FAP: variants seen among roughly 807,000 people sequenced by gnomAD.
FAP encodes the protein fibroblast activation protein alpha.
Under a neutral mutation model 126.5 loss-of-function variants are expected in FAP, and 110 were observed. That is an observed-to-expected ratio of 0.87 (90% CI 0.74 to 1.02). The LOEUF is 1.02. FAP is among the 50% of genes least tolerant of loss of function. FAP has a pLI of 0.00. For missense variants in FAP, 919 were observed against 909.2 expected (o/e 1.01, Z -0.14); for synonymous variants, 334 against 297.3 (o/e 1.12, Z -1.27).
chr2:162,187,600 A>T (rs893372125), intron 20 of FAP, among the ~76,000 whole-genome samples: 3 of 152,136 alleles, frequency 2.0e-5, no homozygotes, highest in Non-Finnish European at 2.9e-5. Context: ...AAATCAGATT[A>T]TGAATCTGTG....
intron 20 of FAP, 89 bp downstream of exon 20, chr2:162,188,080 G>C (rs2106226500): frequency 9.2e-7 from 1 of 1,089,004 alleles, no homozygotes; most frequent in Non-Finnish European, 1.3e-6. Context: ...AAAAACAAAA[G>C]AATTAAGTCA....
At chr2:162,214,111 A>T in intron 10 of FAP, 38 bp from the exon 11 acceptor site, 2 of 1,605,656 alleles carry the variant, frequency 1.2e-6, no homozygotes, top group Non-Finnish European at 1.7e-6. Context: ...ACAACCATAA[A>T]CCAGTTTCAC....
chr2:162,210,689 T>A (rs1218736474), intron 11 of FAP, among the ~76,000 whole-genome samples: 1 of 152,192 alleles, frequency 6.6e-6, no homozygotes, highest in Non-Finnish European at 1.5e-5. Context: ...CTTTTGAAGG[T>A]CTTCCAATTC....
At chr2:162,201,543 G>A (rs761543949) in intron 14 of FAP, among the ~76,000 whole-genome samples, 25 of 151,924 alleles carry the variant, frequency 1.6e-4, no homozygotes, top group Non-Finnish European at 2.5e-4. Context: ...AACAGCCCCC[G>A]GCCACTTCCT....
At chr2:162,191,997 C>T (rs1688065253) in intron 17 of FAP, among the ~76,000 whole-genome samples, 1 of 152,056 alleles carries the variant, frequency 6.6e-6, no homozygotes, top group South Asian at 2.1e-4. Context: ...GATCTTCATC[C>T]TCTCTCAACT....
chr2:162,218,251 G>A, intron 8 of FAP, 111 bp from the exon 9 acceptor site: 2 of 700,940 alleles, frequency 2.9e-6, no homozygotes, highest in Non-Finnish European at 4.5e-6. Context: ...TAATGTGGAT[G>A]TGACATATGT....
chr2:162,195,543 C>T (rs531776807), intron 16 of FAP, among the ~76,000 whole-genome samples: 3 of 151,590 alleles, frequency 2.0e-5, no homozygotes, highest in East Asian at 2.0e-4. Flanking sequence ...GGTTGGGGGG[C>T]GTGCTCAGCT....
At chr2:162,242,136 T>C (rs1321142413) in intron 2 of FAP, among the ~76,000 whole-genome samples, 1 of 152,032 alleles carries the variant, frequency 6.6e-6, no homozygotes, top group Non-Finnish European at 1.5e-5. Context: ...TATTACTGGA[T>C]TTTTTTTCCA....
chr2:162,179,800 ATATATATATATAT>A (rs1389819509), intron 21 of FAP, among the ~76,000 whole-genome samples: 17 of 138,006 alleles, frequency 1.2e-4, no homozygotes, highest in East Asian at 8.2e-4. Context: ...CTATATATAT[ATATATATATATAT>A]TTTTTTTTTT....
intron 2 of FAP, among the ~76,000 whole-genome samples, chr2:162,235,616 A>G (rs1224321205): frequency 6.6e-6 from 1 of 152,202 alleles, no homozygotes; most frequent in Non-Finnish European, 1.5e-5. Flanking sequence ...CAGACCAATC[A>G]GCTCTCTGTA....
rs1211012485 is a variant in FAP, at chr2:162,215,889, A to G, written c.866+9T>C. The G allele has an allele frequency of 6.3e-7, 1 of 1,597,712 alleles. No homozygotes were observed. The highest frequency in any genetic ancestry group is 1.7e-4 in the Middle Eastern group (1 of 6,028). Reference sequence around the variant, plus strand: ...GATAGAAAGATGGGAGGGATCTGAGATGAACTACCTTGAGGCTATCATTGC... The same window carrying G: ...GATAGAAAGATGGGAGGGATCTGAGGTGAACTACCTTGAGGCTATCATTGC... On this transcript the variant is annotated intron_variant, in intron 10 of 25. Coordinates refer to ENST00000188790, the MANE Select transcript of FAP (RefSeq NM_004460.5).
chr2:162,209,851 A>G (rs1336803002), intron 12 of FAP, 101 bp downstream of exon 12: 2 of 1,022,530 alleles, frequency 2.0e-6, no homozygotes, highest in Non-Finnish European at 3.0e-6. Context: ...TTTTCTATGA[A>G]AATAAGTAGT....
chr2:162,207,377 T>C (rs1204002587), intron 12 of FAP, among the ~76,000 whole-genome samples: 1 of 152,256 alleles, frequency 6.6e-6, no homozygotes, highest in Non-Finnish European at 1.5e-5. Flanking sequence ...GACTACTGAA[T>C]ACATGTTAAG....
chr2:162,179,172 G>A (rs949459195), intron 21 of FAP, among the ~76,000 whole-genome samples: 1 of 151,618 alleles, frequency 6.6e-6, no homozygotes, highest in African/African-American at 2.4e-5. Flanking sequence ...TATGTGTTCT[G>A]GGATGGTGGA....
intron 17 of FAP, among the ~76,000 whole-genome samples, chr2:162,190,979 G>A (rs1688021555): frequency 6.6e-6 from 1 of 152,016 alleles, no homozygotes; most frequent in South Asian, 2.1e-4. Context: ...AATCCATCAG[G>A]GAAGAGATAC....
intron 10 of FAP, among the ~76,000 whole-genome samples, chr2:162,214,710 A>G (rs1338810385): frequency 6.6e-6 from 1 of 151,794 alleles, no homozygotes; most frequent in Non-Finnish European, 1.5e-5. Flanking sequence ...TGGAAAATTA[A>G]TGTAAAGGAA....
chr2:162,212,633 A>G (rs1688987372), intron 11 of FAP, among the ~76,000 whole-genome samples: 1 of 152,204 alleles, frequency 6.6e-6, no homozygotes, highest in African/African-American at 2.4e-5. Flanking sequence ...CTTGCAAAAC[A>G]TAATGTCCTA....
Position 162,225,582 on chromosome 2 carries a change from A to G in FAP, c.191-5T>C, listed in dbSNP as rs950464465. On this transcript the variant is annotated splice_region_variant and splice_polypyrimidine_tract_variant and intron_variant, in intron 3 of 25. Transcript: ENST00000188790. ...ATTGATGAAGATATTCTTGTCCTTT[A>G]AACAAGAAAGAAAACAAAATGTAAA... 2.5e-6 allele frequency: 4 copies of G among 1,579,910 alleles called. No homozygotes were observed. The highest frequency in any genetic ancestry group is 3.4e-6 in the Non-Finnish European group (4 of 1,165,674).
At chr2:162,182,134 G>A (rs1409514752) in intron 21 of FAP, among the ~76,000 whole-genome samples, 1 of 152,066 alleles carries the variant, frequency 6.6e-6, no homozygotes, top group Admixed American at 6.6e-5. Context: ...TGTATTTTTG[G>A]GTGATGAGTG....
Sources: gnomAD v4.1 joint callset for allele counts (sites outside exome capture counted in the v4.1 genomes callset) on GRCh38, gnomAD v4.1.1 for gene constraint, MANE v1.5 for transcripts, NCBI Gene and HGNC (gene_info 2026-07-23, HGNC 2026-07-21) for gene names.